Variants in LEPR observed in about 807,000 individuals in gnomAD.
The protein encoded by LEPR is leptin receptor.
A neutral mutation model predicts 114.7 loss-of-function variants in LEPR; 56 were observed. The observed-to-expected ratio is 0.49, with a 90% CI of 0.39 to 0.61. LEPR has a LOEUF of 0.61. Ranked by LOEUF, LEPR falls within the 20% of genes least tolerant of loss-of-function variation. The probability of loss-of-function intolerance (pLI) is 0.00; values close to 1 mark genes in which losing one functional copy is unlikely to be tolerated. For synonymous variants in LEPR, 443 were observed against 461.4 expected (o/e 0.96, Z 0.51); for missense variants, 1,202 against 1,352.9 (o/e 0.89, Z 1.75).
At chr1:65,487,863 A>G (rs1570543528) in intron 2 of LEPR, among the ~76,000 whole-genome samples, 1 of 151,818 alleles carries the variant, frequency 6.6e-6, no homozygotes, top group African/African-American at 2.4e-5. Context: ...GAACATTCCA[A>G]TTCCACTCTT....
At chr1:65,514,901 A>C (rs1458149031) in intron 2 of LEPR, among the ~76,000 whole-genome samples, 1 of 152,264 alleles carries the variant, frequency 6.6e-6, no homozygotes, top group Non-Finnish European at 1.5e-5. Context: ...AATAAGACAT[A>C]ACATTTGCCC....
intron 2 of LEPR, among the ~76,000 whole-genome samples, chr1:65,503,796 TACAC>T (rs71584485): frequency 0.051 from 7,442 of 147,276 alleles, 239 homozygotes; most frequent in African/African-American, 0.086. Flanking sequence ...TGAAGTTAGC[TACAC>T]ACACACACAC....
intron 2 of LEPR, among the ~76,000 whole-genome samples, chr1:65,454,795 C>T (rs370463210): frequency 2.6e-5 from 4 of 152,024 alleles, no homozygotes; most frequent in Non-Finnish European, 4.4e-5. Context: ...ATCTTTGTGG[C>T]GTTCTCTGTA....
At chr1:65,420,796 G>T in intron 1 of LEPR, 56 bp downstream of exon 1, 2 of 1,553,828 alleles carry the variant, frequency 1.3e-6, no homozygotes, top group South Asian at 1.2e-5. Flanking sequence ...CCTCCGTTCC[G>T]GTCAAGCCTG....
intron 2 of LEPR, among the ~76,000 whole-genome samples, chr1:65,474,119 A>G (rs1425411946): frequency 2.0e-5 from 3 of 152,232 alleles, no homozygotes; most frequent in African/African-American, 7.2e-5. Context: ...TGTGTTTTAC[A>G]GTCACATATG....
At chr1:65,624,908 C>T (rs894368095) in intron 19 of LEPR, among the ~76,000 whole-genome samples, 2 of 152,128 alleles carry the variant, frequency 1.3e-5, no homozygotes, top group African/African-American at 4.8e-5. Flanking sequence ...GTTTTATATA[C>T]GAACAATTCT....
intron 2 of LEPR, among the ~76,000 whole-genome samples, chr1:65,426,370 T>C (rs1159028645): frequency 6.6e-6 from 1 of 152,000 alleles, no homozygotes; most frequent in African/African-American, 2.4e-5. Flanking sequence ...ATGCCTGCCG[T>C]GTAGAGGAGG....
At chr1:65,479,248 T>C (rs1391743621) in intron 2 of LEPR, among the ~76,000 whole-genome samples, 1 of 149,812 alleles carries the variant, frequency 6.7e-6, no homozygotes, top group African/African-American at 2.5e-5. Flanking sequence ...CTAAGTCCCA[T>C]AGCTCTTAGT....
At chr1:65,469,413 A>G (rs1477303647) in intron 2 of LEPR, among the ~76,000 whole-genome samples, 1 of 152,254 alleles carries the variant, frequency 6.6e-6, no homozygotes, top group African/African-American at 2.4e-5. Context: ...AAGAATCATG[A>G]AGAGCAGAAG....
intron 2 of LEPR, among the ~76,000 whole-genome samples, chr1:65,547,535 G>A (rs939256856): frequency 6.6e-6 from 1 of 151,668 alleles, no homozygotes; most frequent in African/African-American, 2.4e-5. Flanking sequence ...TTTAGTCTTG[G>A]GAGAGTGTAT....
At chr1:65,434,898 A>T in intron 2 of LEPR, 2 of 985,444 alleles carry the variant, frequency 2.0e-6, no homozygotes, top group African/African-American at 3.5e-5. Context: ...AAGAAAGCAG[A>T]TCACACTTCA....
chr1:65,583,721 A>C (rs567907276), intron 5 of LEPR, among the ~76,000 whole-genome samples: 4 of 152,244 alleles, frequency 2.6e-5, no homozygotes, highest in African/African-American at 9.6e-5. Flanking sequence ...CACATGCTAG[A>C]TATATGAAAA....
At chr1:65,456,384 C>T (rs374686534) in intron 2 of LEPR, among the ~76,000 whole-genome samples, 109 of 152,212 alleles carry the variant, frequency 7.2e-4, no homozygotes, top group African/African-American at 2.5e-3. Context: ...TTTATGCCTG[C>T]TGGATCTGTC....
intron 8 of LEPR, among the ~76,000 whole-genome samples, chr1:65,600,847 T>C (rs1656396568): frequency 6.6e-6 from 1 of 152,092 alleles, no homozygotes; most frequent in South Asian, 2.1e-4. Flanking sequence ...CTGCTTTGTA[T>C]ATTGCTGCAT....
intron 14 of LEPR, among the ~76,000 whole-genome samples, chr1:65,612,406 C>A (rs986009079): frequency 6.6e-6 from 1 of 152,206 alleles, no homozygotes; most frequent in Non-Finnish European, 1.5e-5. Context: ...ATCCAAATTT[C>A]CTTAGCTTTT....
intron 2 of LEPR, among the ~76,000 whole-genome samples, chr1:65,478,148 G>C (rs921514939): frequency 7.2e-5 from 11 of 152,152 alleles, no homozygotes; most frequent in African/African-American, 2.7e-4. Flanking sequence ...AGCTTGAAGG[G>C]CTTCTTATAA....
chr1:65,421,162 A>T (rs1393995911), intron 1 of LEPR, among the ~76,000 whole-genome samples: 1 of 152,174 alleles, frequency 6.6e-6, no homozygotes, highest in Admixed American at 6.5e-5. Context: ...AGCATTGGGA[A>T]ACTTAATCCT....
At chr1:65,571,808 A>G (rs1039646764) in intron 4 of LEPR, among the ~76,000 whole-genome samples, 1 of 117,626 alleles carries the variant, frequency 8.5e-6, no homozygotes, top group African/African-American at 3.1e-5. Flanking sequence ...AAAAAAAAAA[A>G]AAAAAAAAAA....
intron 2 of LEPR, among the ~76,000 whole-genome samples, chr1:65,489,513 T>C (rs1647754253): frequency 6.6e-6 from 1 of 152,172 alleles, no homozygotes; most frequent in Non-Finnish European, 1.5e-5. Context: ...TATATTTGGG[T>C]ATTAATCCCT....
Sources: gnomAD v4.1 joint callset for allele counts (sites outside exome capture counted in the v4.1 genomes callset) on GRCh38, gnomAD v4.1.1 for gene constraint, MANE v1.5 for transcripts, NCBI Gene and HGNC (gene_info 2026-07-23, HGNC 2026-07-21) for gene names.